The following SIGLEC1 variants were observed in gnomAD, a reference collection of about 807,000 sequenced individuals.
SIGLEC1 encodes sialic acid binding Ig like lectin 1.
Under a neutral mutation model 148.0 loss-of-function variants are expected in SIGLEC1, and 132 were observed. That is an observed-to-expected ratio of 0.89 (90% CI 0.77 to 1.03). The LOEUF (loss-of-function observed/expected upper bound fraction) is 1.03. Among genes scored for constraint, SIGLEC1 ranks in the 50% least tolerant of loss-of-function variants. The pLI, the probability that SIGLEC1 is intolerant of heterozygous loss-of-function variation, is 0.00. For missense variants in SIGLEC1, 2,253 were observed against 2,271.4 expected (o/e 0.99, Z 0.16); for synonymous variants, 945 against 969.0 (o/e 0.98, Z 0.46).
rs1292361974 is a variant in SIGLEC1, at chr20:3,704,150, ACTT to A, written c.707-62_707-60del. On this transcript the variant is annotated intron_variant, in intron 4 of 21. Transcript: ENST00000344754. ...GCTTGGGGAGGGCAGAGGATGGCAC[ACTT>A]CTTCTTGCCCCCCTTTAAAAGCTCA... The A allele has an allele frequency of 5.3e-5, 80 of 1,496,360 alleles. No individual in the cohort carries two copies. The East Asian group carries it at 1.8e-3, about 33-fold the overall frequency. The allele number at this position is 1,496,360 out of a possible 1,614,324, so 92.7% of individuals were successfully genotyped here. A position where few individuals can be genotyped will look rare whatever the true frequency, so the allele number is the denominator to read the frequency against.
rs200631809 is a variant in SIGLEC1, at chr20:3,690,824, C to CTTTTTTTTTTT, written c.4591+515_4591+516insAAAAAAAAAAA. On this transcript the variant is annotated intron_variant, in intron 18 of 21. Coordinates refer to ENST00000344754, the MANE Select transcript of SIGLEC1 (RefSeq NM_023068.4). ...TTCTTTTGGTTTTTTCTCTTCTTTT[C>CTTTTTTTTTTT]TTTTCTTTTTTTTTTTTTTTTCTTG... Among the ~76,000 whole-genome samples the CTTTTTTTTTTT allele has an allele frequency of 5.5e-5, 7 of 126,868 alleles. 1 individual carries two copies. The highest frequency in any genetic ancestry group is 1.7e-4 in the African/African-American group (5 of 29,854). The allele number at this position is 126,868 out of a possible 152,430, so 83.2% of individuals were successfully genotyped here.
chr20:3,707,508 G>A (rs949904621), intron 1 of SIGLEC1, among the ~76,000 whole-genome samples: 1 of 151,344 alleles, frequency 6.6e-6, no homozygotes, highest in Admixed American at 6.6e-5. Context: ...CCACTTCCCT[G>A]CCCCCTCCCC....
chr20:3,706,511 C>A lies in SIGLEC1; in HGVS notation c.245G>T (p.Arg82Leu). ...CATGAACTCGGTGCGGCCGCGGAAG[C>A]GGGCCTCCACCAGCTTGGGGTCCGC... ...HSADPKLVEA[R>L]FRGRTEFMGN... The change falls in exon 3 of 22, where the codon CGC (arginine) becomes CTC (leucine). Residue 82 changes from arginine (R) to leucine (L), a missense_variant. By Grantham distance (102) the Arg-to-Leu change is moderately radical (BLOSUM62 -2). Coordinates refer to ENST00000344754, the MANE Select transcript of SIGLEC1 (RefSeq NM_023068.4). The A allele has an allele frequency of 6.2e-7, 1 of 1,613,400 alleles. No individual in the cohort carries two copies. The highest frequency in any genetic ancestry group is 8.5e-7 in the Non-Finnish European group (1 of 1,179,996).
At position 3,694,716 on chromosome 20, in the gene SIGLEC1, G is replaced by A. The variant is rs963413645; in HGVS notation, c.2891C>T (p.Ala964Val). The A allele has an allele frequency of 6.2e-7, 1 of 1,613,864 alleles. No homozygotes were observed. The highest frequency in any genetic ancestry group is 1.1e-5 in the South Asian group (1 of 91,086). The change falls in exon 12 of 22, where the codon GCC becomes GTC. Residue 964 changes from alanine (A) to valine (V), a missense_variant. By Grantham distance (64) the Ala-to-Val change is moderately conservative (BLOSUM62 0). Coordinates refer to ENST00000344754, the MANE Select transcript of SIGLEC1 (RefSeq NM_023068.4). ...TAGGCTCGTGGTGGCTGAGCCTGGG[G>A]CCTGGGCTTGGCAATGATAGGCCCC... is the stretch of plus-strand genomic sequence containing the variant. The part of the protein sequence containing the change: ...QAGAYHCQAQ[A>V]PGSATTSLAA...
chr20:3,692,336 G>T, intron 16 of SIGLEC1, 134 bp from the exon 17 acceptor site: 1 of 1,173,766 alleles, frequency 8.5e-7, no homozygotes. Flanking sequence ...CTTCCCAGGA[G>T]TCCTGTGGGC....
chr20:3,690,959 T>C (rs538390711), intron 18 of SIGLEC1, among the ~76,000 whole-genome samples: 2 of 151,740 alleles, frequency 1.3e-5, no homozygotes, highest in South Asian at 2.1e-4. Flanking sequence ...GCCTCCTGAA[T>C]AGCTGGGATT....
chr20:3,692,378 C>T lies in SIGLEC1; in HGVS notation c.4030+143G>A, dbSNP rs2088773530. Reference sequence around the variant, plus strand: ...CTCCAGGCAGGGCTTATAGGACTGTCTCTTTCTCTAGCACCTATGTCCTCT... The same window carrying T: ...CTCCAGGCAGGGCTTATAGGACTGTTTCTTTCTCTAGCACCTATGTCCTCT... On this transcript the variant is annotated intron_variant, in intron 16 of 21. Coordinates refer to ENST00000344754, the MANE Select transcript of SIGLEC1 (RefSeq NM_023068.4). The T allele has an allele frequency of 5.9e-6, 7 of 1,182,704 alleles. No homozygotes were observed. The South Asian group carries it at 1.1e-4, about 19-fold the overall frequency. The allele number at this position is 1,182,704 out of a possible 1,614,324, so 73.3% of individuals were successfully genotyped here.
intron 14 of SIGLEC1, 86 bp from the exon 15 acceptor site, chr20:3,693,217 C>T: frequency 3.5e-6 from 5 of 1,416,966 alleles, no homozygotes; most frequent in Non-Finnish European, 3.8e-6. Context: ...CTCAGGAGGG[C>T]CCTGGCTCCC....
In SIGLEC1 at chr20:3,706,335, C is replaced by T. The variant is rs1443029507; in HGVS notation, c.409+12G>A. 1 of 1,597,292 alleles carries T rather than the reference C, an allele frequency of 6.3e-7. No individual in the cohort carries two copies. Among genetic ancestry groups the T allele is most frequent in the Non-Finnish European group, 8.5e-7 (1 of 1,170,290 alleles). ...CCCTCCCGGGGGGCAGCCAGGCCACCCCACTTATCACCTGTTACTGTGACC... is the reference window on the plus strand; with the variant it reads ...CCCTCCCGGGGGGCAGCCAGGCCACTCCACTTATCACCTGTTACTGTGACC... On this transcript the variant is annotated intron_variant, in intron 3 of 21. Coordinates refer to ENST00000344754, the MANE Select transcript of SIGLEC1 (RefSeq NM_023068.4).
At chr20:3,699,054 A>C in intron 8 of SIGLEC1, 148 bp downstream of exon 8, 1 of 872,686 alleles carries the variant, frequency 1.1e-6, no homozygotes, top group South Asian at 1.6e-5. Flanking sequence ...CTTCAGCCCC[A>C]CATGGAAAGA....
chr20:3,687,083 G>A lies in SIGLEC1; in HGVS notation c.*1477C>T, dbSNP rs1382498696. ...CTGGAATGAGGGAGGGTGCGGCCTC[G>A]GCTACACAAAGTTCACCCGCCCCCA... On this transcript the variant is annotated 3_prime_UTR_variant, in exon 22 of 22. Transcript: ENST00000344754. 2 of 135,212 alleles carry A rather than the reference G, an allele frequency of 1.5e-5. No homozygotes were observed. The highest frequency in any genetic ancestry group is 2.9e-5 in the African/African-American group (1 of 34,600). The allele number at this position is 135,212 out of a possible 1,614,324, so 8.4% of individuals were successfully genotyped here. A position where few individuals can be genotyped will look rare whatever the true frequency, so the allele number is the denominator to read the frequency against.
At position 3,706,017 on chromosome 20, in the gene SIGLEC1, C is replaced by T. The variant is rs1412345517; in HGVS notation, c.433G>A (p.Ala145Thr). The change falls in exon 4 of 22, where the codon GCC becomes ACC. Residue 145 changes from alanine to threonine, a missense_variant. Ala to Thr is a moderately conservative substitution (Grantham distance 58). Transcript: ENST00000344754. ...VTEEPRVPTI[A>T]SPVELLEGTE... ...CCCTCGAGAAGCTCCACCGGGGAGGCAATGGTGGGCACCCTGGGCTCCTCT... is the reference window on the plus strand; with the variant it reads ...CCCTCGAGAAGCTCCACCGGGGAGGTAATGGTGGGCACCCTGGGCTCCTCT... The T allele has an allele frequency of 6.2e-7, 1 of 1,613,330 alleles. No homozygotes were observed. The highest frequency in any genetic ancestry group is 1.3e-5 in the African/African-American group (1 of 75,048).
rs944324990 is a variant in SIGLEC1 at position 3,698,127 on chromosome 20, G to C, written c.1793C>G (p.Pro598Arg). 44 of 1,592,338 alleles carry C rather than the reference G, an allele frequency of 2.8e-5. No individual in the cohort carries two copies. The highest frequency in any genetic ancestry group is 3.7e-5 in the Non-Finnish European group (43 of 1,171,946). Residue 598 changes from proline to arginine, a missense_variant, in exon 9 of 22, where the codon CCT (proline) becomes CGT (arginine). Physicochemically the swap from Pro to Arg is moderately radical, Grantham distance 103. Transcript: ENST00000344754. Reference protein sequence around the residue: ...SPAVLTVLYPPRQPTFTTRLD... With the variant: ...SPAVLTVLYPRRQPTFTTRLD... ...CCTGGTGGTGAATGTTGGTTGTCGA[G>C]GGGGGTCTGCAGGGAGGAAGAACAT... is the stretch of plus-strand genomic sequence containing the variant.
Position 3,698,021 on chromosome 20 carries a change from C to A in SIGLEC1, c.1899G>T (p.Arg633Ser), listed in dbSNP as rs1299311879. The A allele has an allele frequency of 1.9e-6, 3 of 1,609,760 alleles. No individual in the cohort carries two copies. Among genetic ancestry groups the A allele is most frequent in the Admixed American group, 3.4e-5 (2 of 59,554 alleles). The change falls in exon 9 of 22, where the codon AGG becomes AGT. Residue 633 changes from arginine to serine, a missense_variant. Coordinates refer to ENST00000344754, the MANE Select transcript of SIGLEC1 (RefSeq NM_023068.4). ...CACGGTCCTTGTGGAGCAGCTGCAG[C>A]CTGGCGGGGGGGTCGCTGTCCACAC... Reference protein sequence around the residue: ...LCRVDSDPPARLQLLHKDRVV... With the variant: ...LCRVDSDPPASLQLLHKDRVV...
intron 18 of SIGLEC1, among the ~76,000 whole-genome samples, chr20:3,690,908 G>A (rs1166232337): frequency 6.9e-6 from 1 of 144,946 alleles, no homozygotes; most frequent in African/African-American, 2.6e-5. Context: ...TTGGCTCACT[G>A]CAACCTCCAC....
At chr20:3,691,299 G>C (rs774414029) in intron 18 of SIGLEC1, 41 bp downstream of exon 18, 37 of 1,607,774 alleles carry the variant, frequency 2.3e-5, no homozygotes, top group Non-Finnish European at 3.0e-5. Flanking sequence ...GGGCGTGTGA[G>C]ATGTGGGGAG....
intron 7 of SIGLEC1, 87 bp from the exon 8 acceptor site, chr20:3,699,546 T>G: frequency 6.7e-7 from 1 of 1,498,298 alleles, no homozygotes; most frequent in Non-Finnish European, 9.0e-7. Context: ...GGTTCTCCTT[T>G]CCCCACACTA....
At position 3,693,182 on chromosome 20, in the gene SIGLEC1, G is replaced by A. The variant is rs1423812098; in HGVS notation, c.3509-51C>T. ...GAGTCACAGGCAGCAGCCTGCAGGAGGCCAGTTTGCAGGTGGCATTCAAAC... is the reference window on the plus strand; with the variant it reads ...GAGTCACAGGCAGCAGCCTGCAGGAAGCCAGTTTGCAGGTGGCATTCAAAC... On this transcript the variant is annotated intron_variant, in intron 14 of 21. Coordinates refer to ENST00000344754, the MANE Select transcript of SIGLEC1 (RefSeq NM_023068.4). The A allele has an allele frequency of 3.3e-6, 5 of 1,500,940 alleles. No individual in the cohort carries two copies. In the East Asian group the frequency reaches 9.1e-5, roughly 27 times the overall value. 93.0% of individuals were successfully genotyped at this position (1,500,940 alleles called of 1,614,324 possible).
rs1466920959 is a variant in SIGLEC1 at position 3,690,092 on chromosome 20, A to C, written c.4764T>G (p.His1588Gln). The stretch of plus-strand genomic sequence containing the variant: ...TCAGGGCATTGGGGGAAGCCAGGAC[A>C]TGGATGTGTGGCTCTGCAGGAGCAC... ...PQGAPAEPHI[H>Q]VLASPNALRV... Residue 1588 changes from histidine (H) to glutamine (Q), a missense_variant, in exon 19 of 22, where the codon CAT becomes CAG. By Grantham distance (24) the His-to-Gln change is conservative (BLOSUM62 0). Transcript: ENST00000344754. The C allele has an allele frequency of 1.2e-6, 2 of 1,611,696 alleles. No homozygotes were observed. Among genetic ancestry groups the C allele is most frequent in the Non-Finnish European group, 1.7e-6 (2 of 1,179,350 alleles).
Sources: allele counts gnomAD v4.1 joint callset (sites outside exome capture counted in the v4.1 genomes callset), GRCh38; gene constraint gnomAD v4.1.1; transcripts MANE v1.5; gene names NCBI Gene and HGNC (gene_info 2026-07-23, HGNC 2026-07-21).